The following ROBO2 variants were observed in gnomAD, a reference collection of about 807,000 sequenced individuals.
The protein encoded by ROBO2 is roundabout homolog 2.
Under a neutral mutation model 160.8 loss-of-function variants are expected in ROBO2, and 53 were observed. The ratio of observed to expected loss-of-function variants is 0.33; its 90% CI spans 0.26 to 0.41. The LOEUF (loss-of-function observed/expected upper bound fraction) is 0.41, where lower values mean the gene tolerates loss of function less well. Among genes scored for constraint, ROBO2 ranks in the 10% least tolerant of loss-of-function variants. ROBO2 has a pLI of 1.00. For synonymous variants in ROBO2, 664 were observed against 611.7 expected, an observed-to-expected ratio of 1.09 and a Z score of -1.26; for missense variants, 1,577 against 1,722.4, an observed-to-expected ratio of 0.92 and a Z score of 1.49.
At chr3:77,289,978 G>C in intron 2 of ROBO2, among the ~76,000 whole-genome samples, 1 of 151,920 alleles carries the variant, frequency 6.6e-6, no homozygotes, top group Admixed American at 6.6e-5. Context: ...AAGTAAAATT[G>C]ATGGTTAAAC....
At chr3:76,280,855 T>C (rs1022423485) in intron 2 of ROBO2, among the ~76,000 whole-genome samples, 6 of 151,942 alleles carry the variant, frequency 3.9e-5, no homozygotes, top group African/African-American at 1.4e-4. Flanking sequence ...TTTAAACAAA[T>C]GCCATTTCCC....
At chr3:77,136,131 A>G (rs1001741380) in intron 2 of ROBO2, among the ~76,000 whole-genome samples, 1 of 152,178 alleles carries the variant, frequency 6.6e-6, no homozygotes, top group Non-Finnish European at 1.5e-5. Context: ...TTTCCTGTTT[A>G]TATATTCTAC....
At chr3:77,524,322 A>G (rs1371908437) in intron 6 of ROBO2, among the ~76,000 whole-genome samples, 10 of 151,010 alleles carry the variant, frequency 6.6e-5, no homozygotes, top group Admixed American at 5.3e-4. Flanking sequence ...TGAAAATCTG[A>G]TAACCTTTGT....
At chr3:76,424,615 T>C (rs1213130929) in intron 2 of ROBO2, among the ~76,000 whole-genome samples, 1 of 152,130 alleles carries the variant, frequency 6.6e-6, no homozygotes, top group Non-Finnish European at 1.5e-5. Flanking sequence ...CTGTGTTATA[T>C]AGTTAAAAAT....
At position 76,757,434 on chromosome 3, in the gene ROBO2, T is replaced by C. The variant is rs2061038578; in HGVS notation, c.110-340580T>C. 1.3e-5 allele frequency among the ~76,000 whole-genome samples: 2 copies of C among 151,874 alleles called. 1 individual carries two copies. Among genetic ancestry groups the C allele is most frequent in the Non-Finnish European group, 2.9e-5 (2 of 67,868 alleles). On this transcript the variant is annotated intron_variant, in intron 2 of 26. Coordinates refer to the ROBO2 transcript ENST00000487694. The stretch of plus-strand genomic sequence containing the variant: ...TGCTATGCCTCTTCCATGTTTGAGT[T>C]ACAGGGTTTTCGTGTGGTCACTAAG...
intron 2 of ROBO2, among the ~76,000 whole-genome samples, chr3:76,234,711 CA>C (rs1704833817): frequency 6.6e-6 from 1 of 152,144 alleles, no homozygotes; most frequent in Non-Finnish European, 1.5e-5. Flanking sequence ...CAGTCTATTT[CA>C]AATTTATGTA....
At chr3:77,519,417 T>A (rs1281518817) in intron 5 of ROBO2, among the ~76,000 whole-genome samples, 1 of 151,288 alleles carries the variant, frequency 6.6e-6, no homozygotes, top group Admixed American at 6.6e-5. Context: ...GGGTATATAG[T>A]GTGACAGTGA....
chr3:76,552,129 T>A (rs1185870886), intron 2 of ROBO2, among the ~76,000 whole-genome samples: 1 of 152,228 alleles, frequency 6.6e-6, no homozygotes, highest in Non-Finnish European at 1.5e-5. Flanking sequence ...GTATAACAAC[T>A]ATTTACATAG....
intron 5 of ROBO2, among the ~76,000 whole-genome samples, chr3:77,510,319 A>C (rs767889276): frequency 2.0e-5 from 3 of 152,136 alleles, no homozygotes; most frequent in Non-Finnish European, 2.9e-5. Flanking sequence ...GGACCACGAC[A>C]TCTAAGCAGG....
intron 2 of ROBO2, among the ~76,000 whole-genome samples, chr3:76,909,464 C>G (rs1456635360): frequency 6.6e-6 from 1 of 152,164 alleles, no homozygotes; most frequent in Non-Finnish European, 1.5e-5. Flanking sequence ...ACAGTGTTCA[C>G]TGTTCATGGG....
In ROBO2 at chr3:77,165,057, G is replaced by T. The variant is rs549378121; in HGVS notation, c.388+66717G>T. Among the ~76,000 whole-genome samples, 3 of 152,188 alleles carry T rather than the reference G, an allele frequency of 2.0e-5. No homozygotes were observed. The South Asian group carries it at 6.2e-4, about 32-fold the overall frequency. On this transcript the variant is annotated intron_variant, in intron 2 of 25. Coordinates refer to ENST00000461745, the Ensembl canonical transcript of ROBO2. ...TGCCCGGCCACCACCCCGTCTGGGA[G>T]GTGTGCCCAACGGCTCATTGAGAAC... is the stretch of plus-strand genomic sequence containing the variant.
At chr3:77,071,815 T>C (rs2067447502) in intron 1 of ROBO2, among the ~76,000 whole-genome samples, 1 of 152,188 alleles carries the variant, frequency 6.6e-6, no homozygotes, top group Non-Finnish European at 1.5e-5. Flanking sequence ...CTGAGCCCTG[T>C]CCTGTGGAGT....
intron 2 of ROBO2, among the ~76,000 whole-genome samples, chr3:77,232,311 C>A (rs2151293179): frequency 6.6e-6 from 1 of 152,116 alleles, no homozygotes. Context: ...TCAGGAATTT[C>A]CTTTCTTGGT....
rs979742711 is a variant in ROBO2, at chr3:76,621,490, G to C, written c.110-476524G>C. 5.9e-5 allele frequency among the ~76,000 whole-genome samples: 9 copies of C among 152,170 alleles called. No homozygotes were observed. The South Asian group carries it at 1.2e-3, about 21-fold the overall frequency. On this transcript the variant is annotated intron_variant, in intron 2 of 26. Coordinates refer to the ROBO2 transcript ENST00000487694. Reference sequence around the variant, plus strand: ...TAGCTCTGATGATTCCAAGTCCTTTGAACATCTTTATGACCTATTAAGAAC... The same window carrying C: ...TAGCTCTGATGATTCCAAGTCCTTTCAACATCTTTATGACCTATTAAGAAC...
chr3:76,695,233 A>G (rs977515274), intron 2 of ROBO2, among the ~76,000 whole-genome samples: 2 of 152,220 alleles, frequency 1.3e-5, no homozygotes, highest in African/African-American at 4.8e-5. Context: ...CTCTGGAATA[A>G]TGTTATTCAT....
intron 2 of ROBO2, among the ~76,000 whole-genome samples, chr3:76,524,509 T>TA (rs1459955063): frequency 1.3e-5 from 2 of 151,870 alleles, no homozygotes. Flanking sequence ...CCCAGATACT[T>TA]AACTATAATG....
At chr3:76,198,670 C>A (rs2107233605) in intron 2 of ROBO2, among the ~76,000 whole-genome samples, 1 of 152,270 alleles carries the variant, frequency 6.6e-6, no homozygotes, top group East Asian at 1.9e-4. Flanking sequence ...TCTATTGCCT[C>A]TGAAGGTGGC....
rs115962283 is a variant in ROBO2 at position 77,565,528 on chromosome 3, C to T, written c.1849+408C>T. Among the ~76,000 whole-genome samples the T allele has an allele frequency of 5.8e-3, 886 of 152,116 alleles. 6 individuals carry two copies. The highest frequency in any genetic ancestry group is 0.018 in the African/African-American group (744 of 41,536). ...CGGAATTCTGTTTTTATAGTGCAGT[C>T]GTTCTCACAGTGTGGTTCCTGGGTA... On this transcript the variant is annotated intron_variant, in intron 12 of 25. Transcript: ENST00000461745.
chr3:77,574,841 T>C lies in ROBO2; in HGVS notation c.2203+111T>C, dbSNP rs183759067. 4.1e-4 allele frequency: 333 copies of C among 806,708 alleles called. 5 individuals carry two copies. The East Asian group carries it at 4.8e-3, about 12-fold the overall frequency. 50.0% of individuals were successfully genotyped at this position (806,708 alleles called of 1,614,324 possible). A position where few individuals can be genotyped will look rare whatever the true frequency, so the allele number is the denominator to read the frequency against. Reference sequence around the variant, plus strand: ...TGGAAAGATATCACCTAAAAGTAAATTGAGGAAGTGTCGTTTTCTCCTTTT... The same window carrying C: ...TGGAAAGATATCACCTAAAAGTAAACTGAGGAAGTGTCGTTTTCTCCTTTT... On this transcript the variant is annotated intron_variant, in intron 14 of 25. Coordinates refer to ENST00000461745, the Ensembl canonical transcript of ROBO2.
Sources: allele counts gnomAD v4.1 joint callset (sites outside exome capture counted in the v4.1 genomes callset), GRCh38; gene constraint gnomAD v4.1.1; transcripts MANE v1.5; gene names NCBI Gene and HGNC (gene_info 2026-07-23, HGNC 2026-07-21).